Variants in FAAH2 observed in about 807,000 individuals in gnomAD.
The protein encoded by FAAH2 is fatty acid amide hydrolase 2, also known as fatty-acid amide hydrolase 2.
Under a neutral mutation model 36.9 loss-of-function variants are expected in FAAH2, and 60 were observed. The observed-to-expected ratio is 1.63, with a 90% CI of 1.32 to 2.02. The LOEUF is 2.02. Among genes scored for constraint, FAAH2 ranks in the 30% most tolerant of loss-of-function variants. The pLI is 0.00. For missense variants in FAAH2, 689 were observed against 397.5 expected, an observed-to-expected ratio of 1.73 and a Z score of -6.23; for synonymous variants, 214 against 143.8, an observed-to-expected ratio of 1.49 and a Z score of -3.49.
In FAAH2 at chrX:57,466,099, T is replaced by G. The variant is rs5915034; in HGVS notation, c.1423+17381T>G. 4.8e-4 allele frequency among the ~76,000 whole-genome samples: 48 copies of G among 98,989 alleles called. 1 individual carries two copies. The highest frequency in any genetic ancestry group is 1.8e-3 in the African/African-American group (48 of 27,093). The allele number at this position is 98,989 out of a possible 115,157, so 86.0% of individuals were successfully genotyped here. A position where few individuals can be genotyped will look rare whatever the true frequency, so the allele number is the denominator to read the frequency against. ...AAACACATACATACATTATATAAAG[T>G]GAAAGCTATAGCACTGTATTGTTGG... is the stretch of plus-strand genomic sequence containing the variant. On this transcript the variant is annotated intron_variant, in intron 10 of 10. Transcript: ENST00000374900.
intron 6 of FAAH2, among the ~76,000 whole-genome samples, 183 bp downstream of exon 6, chrX:57,378,969 G>C (rs1283285814): frequency 8.9e-6 from 1 of 111,894 alleles, no homozygotes; most frequent in Non-Finnish European, 1.9e-5. Context: ...AAGATGCCAT[G>C]TAAAAGTATT....
rs1210873044 is a variant in FAAH2 at position 57,489,010 on chromosome X, G to C, written c.*78G>C. 3.1e-6 allele frequency: 3 copies of C among 973,176 alleles called. No individual in the cohort carries two copies. Among genetic ancestry groups the C allele is most frequent in the African/African-American group, 3.9e-5 (2 of 50,842 alleles). The allele number at this position is 973,176 out of a possible 1,213,427, so 80.2% of individuals were successfully genotyped here. On this transcript the variant is annotated 3_prime_UTR_variant, in exon 11 of 11. Transcript: ENST00000374900. ...GTTTCTATTAATTGGGTGAAATCAA[G>C]CACCAGCAGACAAGCAGAGAAACAA...
At chrX:57,342,794 G>A (rs187655948) in intron 5 of FAAH2, among the ~76,000 whole-genome samples, 8 of 110,863 alleles carry the variant, frequency 7.2e-5, no homozygotes, top group Non-Finnish European at 1.1e-4. Flanking sequence ...CCTTTAAGTA[G>A]GCTCTGGTTT....
the FAAH2 span, among the ~76,000 whole-genome samples, chrX:57,235,454 A>C: frequency 9.0e-6 from 1 of 111,629 alleles, no homozygotes; most frequent in Non-Finnish European, 1.9e-5. Context: ...CTTTAATACT[A>C]TCATCAAAAC....
chrX:57,156,693 T>C, the FAAH2 span, among the ~76,000 whole-genome samples: 1 of 111,952 alleles, frequency 8.9e-6, no homozygotes, highest in East Asian at 2.8e-4. Flanking sequence ...GAGAATTCCC[T>C]GGTTTTCCAA....
the FAAH2 span, among the ~76,000 whole-genome samples, chrX:57,203,002 A>T: frequency 8.9e-6 from 1 of 111,956 alleles, no homozygotes; most frequent in Non-Finnish European, 1.9e-5. Flanking sequence ...CTTGTGCTAA[A>T]TGCTGCATGG....
intron 8 of FAAH2, among the ~76,000 whole-genome samples, chrX:57,436,527 A>T (rs764251691): frequency 9.1e-6 from 1 of 109,418 alleles, no homozygotes; most frequent in Non-Finnish European, 1.9e-5. Context: ...ATCAGAAATG[A>T]AAAAAGAGAG....
intron 8 of FAAH2, among the ~76,000 whole-genome samples, chrX:57,439,518 G>A (rs915463192): frequency 1.8e-5 from 2 of 111,508 alleles, no homozygotes; most frequent in Non-Finnish European, 3.8e-5. Flanking sequence ...TGTCAGATGA[G>A]TAGGTTGCAA....
At chrX:57,221,056 C>T in the FAAH2 span, among the ~76,000 whole-genome samples, 1 of 111,522 alleles carries the variant, frequency 9.0e-6, no homozygotes, top group Non-Finnish European at 1.9e-5. Context: ...AGGAACCACC[C>T]AGTCCTCCCA....
chrX:57,424,260 C>T (rs1189167944), intron 7 of FAAH2, among the ~76,000 whole-genome samples: 1 of 112,327 alleles, frequency 8.9e-6, no homozygotes, highest in Non-Finnish European at 1.9e-5. Flanking sequence ...AAATTCTGCA[C>T]AGCATTACCC....
At chrX:57,302,352 C>G (rs1279119117) in intron 2 of FAAH2, among the ~76,000 whole-genome samples, 3 of 112,028 alleles carry the variant, frequency 2.7e-5, no homozygotes, top group Non-Finnish European at 5.6e-5. Flanking sequence ...CTTGAAAACA[C>G]TTTCATTCAT....
intron 5 of FAAH2, among the ~76,000 whole-genome samples, chrX:57,353,823 A>G (rs1057497606): frequency 2.7e-5 from 3 of 111,380 alleles, no homozygotes; most frequent in African/African-American, 9.7e-5. Flanking sequence ...AAAGATATAC[A>G]AATGGCCAAT....
chrX:57,430,265 G>C (rs996629198), intron 7 of FAAH2, among the ~76,000 whole-genome samples: 1 of 111,727 alleles, frequency 9.0e-6, no homozygotes, highest in African/African-American at 3.3e-5. Context: ...TGTCATTTTA[G>C]GTCTCCTGGC....
At chrX:57,423,466 G>C (rs968907315) in intron 7 of FAAH2, among the ~76,000 whole-genome samples, 1 of 111,478 alleles carries the variant, frequency 9.0e-6, no homozygotes, top group African/African-American at 3.3e-5. Flanking sequence ...TGATCTGAAG[G>C]CAAACTGTTT....
At chrX:57,325,725 T>C (rs1341548526) in intron 3 of FAAH2, among the ~76,000 whole-genome samples, 3 of 70,313 alleles carry the variant, frequency 4.3e-5, no homozygotes, top group African/African-American at 5.5e-5. Context: ...GATTATTCTC[T>C]TTTTTCTTCT....
intron 7 of FAAH2, among the ~76,000 whole-genome samples, chrX:57,418,841 G>A (rs1003503962): frequency 1.9e-5 from 2 of 105,890 alleles, no homozygotes; most frequent in Non-Finnish European, 3.9e-5. Flanking sequence ...TTTAGCATTA[G>A]GTATATCTCC....
At chrX:57,303,897 C>T (rs150718205) in intron 2 of FAAH2, among the ~76,000 whole-genome samples, 1,470 of 111,924 alleles carry the variant, frequency 0.013, 20 homozygotes, top group Middle Eastern at 0.023. Context: ...AGCTTCTGTT[C>T]CTATGACTCA....
intron 2 of FAAH2, among the ~76,000 whole-genome samples, chrX:57,295,855 A>C (rs1212365954): frequency 8.9e-6 from 1 of 112,388 alleles, no homozygotes; most frequent in East Asian, 2.8e-4. Context: ...AGCCTCACTC[A>C]TTGCTAGGAC....
At chrX:57,478,795 G>T (rs942942280) in intron 10 of FAAH2, among the ~76,000 whole-genome samples, 3 of 111,317 alleles carry the variant, frequency 2.7e-5, no homozygotes, top group African/African-American at 9.8e-5. Flanking sequence ...ATCAGATAGT[G>T]GTAGATATGT....
Sources: allele counts gnomAD v4.1 joint callset (sites outside exome capture counted in the v4.1 genomes callset), GRCh38; gene constraint gnomAD v4.1.1; transcripts MANE v1.5; gene names NCBI Gene and HGNC (gene_info 2026-07-23, HGNC 2026-07-21).